The following EPHA6 variants were observed in gnomAD, a reference collection of about 807,000 sequenced individuals.
EPHA6 encodes EPH receptor A6.
Under a neutral mutation model 112.0 loss-of-function variants are expected in EPHA6, and 50 were observed. The ratio of observed to expected loss-of-function variants is 0.45; its 90% confidence interval spans 0.36 to 0.56. The LOEUF (loss-of-function observed/expected upper bound fraction) is 0.56. Ranked by LOEUF, EPHA6 falls within the 20% of genes least tolerant of loss-of-function variation. The probability of loss-of-function intolerance (pLI) is 0.00; values close to 1 mark genes in which losing one functional copy is unlikely to be tolerated. For synonymous variants in EPHA6, 529 were observed against 490.7 expected, an observed-to-expected ratio of 1.08 and a Z score of -1.03; for missense variants, 1,280 against 1,417.4, an observed-to-expected ratio of 0.90 and a Z score of 1.56.
chr3:97,248,063 T>C (rs1416694507), intron 5 of EPHA6, among the ~76,000 whole-genome samples: 1 of 151,968 alleles, frequency 6.6e-6, no homozygotes, highest in Non-Finnish European at 1.5e-5. Flanking sequence ...CTGGCTTAAT[T>C]GTTTGCTCTG....
chr3:96,894,748 C>A (rs1372013970), intron 2 of EPHA6, among the ~76,000 whole-genome samples: 1 of 151,818 alleles, frequency 6.6e-6, no homozygotes, highest in East Asian at 1.9e-4. Flanking sequence ...CATTGAGGAC[C>A]TCTTATAGGT....
chr3:97,117,956 G>A (rs1350527752), intron 3 of EPHA6, among the ~76,000 whole-genome samples: 1 of 151,564 alleles, frequency 6.6e-6, no homozygotes, highest in Non-Finnish European at 1.5e-5. Flanking sequence ...TTTAGTGTTT[G>A]GCACAGTGTA....
At chr3:97,155,924 G>A (rs909866871) in intron 3 of EPHA6, among the ~76,000 whole-genome samples, 6 of 152,072 alleles carry the variant, frequency 3.9e-5, no homozygotes, top group Non-Finnish European at 7.4e-5. Context: ...TCTGCTTCTG[G>A]TTAGAAACAG....
intron 5 of EPHA6, among the ~76,000 whole-genome samples, chr3:97,394,917 A>G (rs2086614296): frequency 6.6e-6 from 1 of 151,734 alleles, no homozygotes; most frequent in Non-Finnish European, 1.5e-5. Context: ...TTCTTACATA[A>G]GGTCATCTGT....
intron 14 of EPHA6, among the ~76,000 whole-genome samples, chr3:97,682,949 T>C (rs559577184): frequency 6.6e-6 from 1 of 152,298 alleles, no homozygotes; most frequent in South Asian, 2.1e-4. Context: ...TAATTTGCTG[T>C]AACCTGACTA....
intron 3 of EPHA6, among the ~76,000 whole-genome samples, chr3:97,140,725 C>T (rs2075878455): frequency 6.6e-6 from 1 of 152,094 alleles, no homozygotes; most frequent in Non-Finnish European, 1.5e-5. Flanking sequence ...CATGATAAAG[C>T]ACACATAAGT....
intron 15 of EPHA6, among the ~76,000 whole-genome samples, chr3:97,724,748 A>C (rs1308811717): frequency 6.6e-6 from 1 of 151,880 alleles, no homozygotes; most frequent in African/African-American, 2.4e-5. Context: ...GAAGTCCGGT[A>C]TCTTTTTTTT....
chr3:96,820,536 G>A (rs2033174240), intron 1 of EPHA6, among the ~76,000 whole-genome samples: 1 of 151,980 alleles, frequency 6.6e-6, no homozygotes, highest in African/African-American at 2.4e-5. Context: ...AATGCAAGAA[G>A]CCCAGATTAA....
At chr3:96,953,671 G>T (rs1231222580) in intron 2 of EPHA6, among the ~76,000 whole-genome samples, 1 of 152,018 alleles carries the variant, frequency 6.6e-6, no homozygotes, top group Non-Finnish European at 1.5e-5. Context: ...ACATTTTTCT[G>T]CATATTGCTT....
intron 5 of EPHA6, among the ~76,000 whole-genome samples, chr3:97,328,964 C>T (rs1292320848): frequency 2.0e-5 from 3 of 152,062 alleles, no homozygotes; most frequent in Non-Finnish European, 4.4e-5. Context: ...TATCCCTCCC[C>T]TCTCCCCCAA....
At chr3:97,331,407 A>G (rs1039187372) in intron 5 of EPHA6, among the ~76,000 whole-genome samples, 3 of 152,174 alleles carry the variant, frequency 2.0e-5, no homozygotes, top group African/African-American at 7.2e-5. Flanking sequence ...AAAGAGCAGA[A>G]GTGAAGGAAA....
In EPHA6 at chr3:97,669,549, C is replaced by G. The variant is rs1576249604; in HGVS notation, c.2784+31467C>G. ...GGCTGAGAGAGGAGGATTGCTTGAG[C>G]TCAGGAGTTCAGGTCCAGCCTGGGC... On this transcript the variant is annotated intron_variant, in intron 14 of 17. Transcript: ENST00000389672. Among the ~76,000 whole-genome samples the G allele has an allele frequency of 4.6e-5, 7 of 150,796 alleles. No homozygotes were observed. The South Asian group carries it at 1.5e-3, about 32-fold the overall frequency.
At chr3:97,243,361 G>T (rs562851683) in intron 4 of EPHA6, among the ~76,000 whole-genome samples, 2 of 151,822 alleles carry the variant, frequency 1.3e-5, no homozygotes, top group African/African-American at 4.8e-5. Flanking sequence ...CTTAATAAAA[G>T]GTTTTTTGTT....
chr3:96,910,841 T>A (rs2039180778), intron 2 of EPHA6, among the ~76,000 whole-genome samples: 1 of 152,044 alleles, frequency 6.6e-6, no homozygotes, highest in South Asian at 2.1e-4. Flanking sequence ...ACAGTGTGGG[T>A]TCCATGAAGT....
intron 14 of EPHA6, among the ~76,000 whole-genome samples, chr3:97,657,540 C>T (rs1222014210): frequency 6.6e-6 from 1 of 151,792 alleles, no homozygotes; most frequent in Non-Finnish European, 1.5e-5. Flanking sequence ...TTAATCTCAG[C>T]TTGGCCATAA....
chr3:97,435,614 G>A (rs774839204), intron 6 of EPHA6, among the ~76,000 whole-genome samples: 21 of 152,168 alleles, frequency 1.4e-4, no homozygotes, highest in Middle Eastern at 6.8e-3. Context: ...TCCATTACTC[G>A]CTCCCAGACC....
At chr3:96,896,095 T>C (rs986588443) in intron 2 of EPHA6, among the ~76,000 whole-genome samples, 31 of 152,216 alleles carry the variant, frequency 2.0e-4, no homozygotes, top group Non-Finnish European at 3.5e-4. Context: ...TGTTAAGCAA[T>C]GCATGACAGT....
intron 13 of EPHA6, among the ~76,000 whole-genome samples, chr3:97,626,873 T>A (rs2107522324): frequency 6.6e-6 from 1 of 151,994 alleles, no homozygotes; most frequent in East Asian, 1.9e-4. Context: ...ACTAGGTTGA[T>A]GTTTAAGATT....
intron 3 of EPHA6, among the ~76,000 whole-genome samples, chr3:97,053,411 G>C (rs750432554): frequency 1.3e-5 from 2 of 152,068 alleles, no homozygotes; most frequent in African/African-American, 4.8e-5. Context: ...CCCAGAATTG[G>C]AAAGAATTAA....
Sources: allele counts gnomAD v4.1 joint callset (sites outside exome capture counted in the v4.1 genomes callset), GRCh38; gene constraint gnomAD v4.1.1; transcripts MANE v1.5; gene names NCBI Gene and HGNC (gene_info 2026-07-23, HGNC 2026-07-21).